TSPAN11: variants seen among roughly 807,000 people sequenced by gnomAD.
TSPAN11 encodes the protein tetraspanin 11.
In TSPAN11, 29 loss-of-function variants were observed where a neutral mutation model predicts 32.9. The ratio of observed to expected loss-of-function variants is 0.88; its 90% CI spans 0.66 to 1.20. The LOEUF (loss-of-function observed/expected upper bound fraction) is 1.20, where lower values mean the gene tolerates loss of function less well. Among genes scored for constraint, TSPAN11 ranks in the 50% most tolerant of loss-of-function variants. The pLI, the probability that TSPAN11 is intolerant of heterozygous loss-of-function variation, is 0.00. For missense variants in TSPAN11, 283 were observed against 329.1 expected, an observed-to-expected ratio of 0.86 and a Z score of 1.08; for synonymous variants, 140 against 141.3, an observed-to-expected ratio of 0.99 and a Z score of 0.07.
chr12:31,010,007 T>C, the TSPAN11 span, among the ~76,000 whole-genome samples: 1 of 152,252 alleles, frequency 6.6e-6, no homozygotes, highest in Non-Finnish European at 1.5e-5. Flanking sequence ...CTGAGGCCTC[T>C]GAGGCTAAGT....
chr12:30,974,664 G>C (rs1172571993), intron 3 of TSPAN11, among the ~76,000 whole-genome samples: 1 of 152,236 alleles, frequency 6.6e-6, no homozygotes, highest in Admixed American at 6.5e-5. Context: ...GGAGGAGCCA[G>C]AAGCAACCTC....
chr12:30,927,802 G>A (rs114365892), intron 1 of TSPAN11, among the ~76,000 whole-genome samples: 1 of 152,188 alleles, frequency 6.6e-6, no homozygotes, highest in Admixed American at 6.5e-5. Context: ...GGTTGTCACT[G>A]TGTCAGTAGC....
Position 30,979,680 on chromosome 12 carries a change from G to T in TSPAN11, c.456+10G>T. On this transcript the variant is annotated intron_variant, in intron 5 of 7. Transcript: ENST00000546076. ...CCGACTCCAGCAGGATGTAAGCCAT[G>T]CCCCATATGGCCTTGAAGGCCAAGC... The T allele has an allele frequency of 6.2e-7, 1 of 1,613,742 alleles. No individual in the cohort carries two copies. The highest frequency in any genetic ancestry group is 1.1e-5 in the South Asian group (1 of 91,074).
At chr12:30,941,801 C>T (rs1013065109) in intron 1 of TSPAN11, among the ~76,000 whole-genome samples, 1 of 152,282 alleles carries the variant, frequency 6.6e-6, no homozygotes, top group Non-Finnish European at 1.5e-5. Context: ...GGGGGCACCT[C>T]TTCCAACCCC....
chr12:30,982,952 C>A, intron 6 of TSPAN11, 112 bp from the exon 7 acceptor site: 1 of 1,261,106 alleles, frequency 7.9e-7, no homozygotes, highest in Non-Finnish European at 1.1e-6. Context: ...TTGGGTCCAG[C>A]CTGTGAGTCC....
Position 30,963,902 on chromosome 12 carries a change from C to T in TSPAN11, c.161C>T (p.Ser54Phe). Reference protein sequence around the residue: ...EKSGYLSVLASSTFAASAYIL... With the variant: ...EKSGYLSVLAFSTFAASAYIL... ...AGTGGCTACCTCAGCGTCCTGGCCTCCAGCACCTTTGCCGCCTCCGCCTAC... is the reference window on the plus strand; with the variant it reads ...AGTGGCTACCTCAGCGTCCTGGCCTTCAGCACCTTTGCCGCCTCCGCCTAC... Residue 54 changes from serine to phenylalanine, a missense_variant, in exon 3 of 8, where the codon TCC (serine) becomes TTC (phenylalanine). Physicochemically the swap from Ser to Phe is radical, Grantham distance 155. Coordinates refer to ENST00000546076, the MANE Select transcript of TSPAN11 (RefSeq NM_001370302.1). 1 of 1,613,744 alleles carries T rather than the reference C, an allele frequency of 6.2e-7. No individual in the cohort carries two copies. Among genetic ancestry groups the T allele is most frequent in the Non-Finnish European group, 8.5e-7 (1 of 1,180,022 alleles).
At chr12:30,974,722 G>A (rs1385641451) in intron 3 of TSPAN11, among the ~76,000 whole-genome samples, 2 of 152,252 alleles carry the variant, frequency 1.3e-5, no homozygotes, top group Non-Finnish European at 2.9e-5. Context: ...CTAGGGGACA[G>A]AGTGGTAACA....
At chr12:31,014,481 T>C in the TSPAN11 span, among the ~76,000 whole-genome samples, 7 of 152,214 alleles carry the variant, frequency 4.6e-5, no homozygotes, top group Non-Finnish European at 8.8e-5. Flanking sequence ...TTTTCAACAT[T>C]GAAACCCTAG....
intron 7 of TSPAN11, 94 bp from the exon 8 acceptor site, chr12:30,991,762 A>G (rs550057103): frequency 7.4e-6 from 10 of 1,345,818 alleles, no homozygotes; most frequent in Non-Finnish European, 1.1e-5. Flanking sequence ...GCCCCAGGGT[A>G]TTCGAGTGAG....
At chr12:30,947,667 G>T (rs1211130932) in intron 1 of TSPAN11, among the ~76,000 whole-genome samples, 1 of 152,188 alleles carries the variant, frequency 6.6e-6, no homozygotes, top group Admixed American at 6.5e-5. Context: ...CCATGATTCA[G>T]TTACCTCCCC....
At chr12:30,971,707 A>T (rs1938854250) in intron 3 of TSPAN11, among the ~76,000 whole-genome samples, 1 of 152,016 alleles carries the variant, frequency 6.6e-6, no homozygotes. Context: ...CCATGATTGT[A>T]CCACTGTACT....
rs567698154 is a variant in TSPAN11 at position 30,979,463 on chromosome 12, G to A, written c.352-103G>A. On this transcript the variant is annotated intron_variant, in intron 4 of 7. Coordinates refer to ENST00000546076, the MANE Select transcript of TSPAN11 (RefSeq NM_001370302.1). ...CTCCGCATCACACCATCCACAGTCC[G>A]CAGTGTTCTAGAATTAGCTGGGGGG... 24 of 1,016,408 alleles carry A rather than the reference G, an allele frequency of 2.4e-5. No individual in the cohort carries two copies. In the Middle Eastern group the frequency reaches 7.6e-4, roughly 32 times the overall value. The allele number at this position is 1,016,408 out of a possible 1,614,324, so 63.0% of individuals were successfully genotyped here. A position where few individuals can be genotyped will look rare whatever the true frequency, so the allele number is the denominator to read the frequency against.
intron 4 of TSPAN11, 68 bp from the exon 5 acceptor site, chr12:30,979,498 T>G (rs1016800211): frequency 8.3e-6 from 12 of 1,443,104 alleles, no homozygotes; most frequent in Admixed American, 6.8e-5. Flanking sequence ...GAGTTGGAAG[T>G]GGGCCCGGTG....
At chr12:30,942,280 C>T (rs1380389801) in intron 1 of TSPAN11, among the ~76,000 whole-genome samples, 1 of 152,240 alleles carries the variant, frequency 6.6e-6, no homozygotes, top group Non-Finnish European at 1.5e-5. Context: ...TTGGTCCTCA[C>T]AGCCACCATG....
At chr12:30,945,265 C>A (rs536566217) in intron 1 of TSPAN11, among the ~76,000 whole-genome samples, 2 of 152,060 alleles carry the variant, frequency 1.3e-5, no homozygotes, top group Non-Finnish European at 2.9e-5. Context: ...ATCTTGAAAG[C>A]GCTCCCCAGT....
At chr12:30,951,861 T>C (rs1938389112) in intron 1 of TSPAN11, among the ~76,000 whole-genome samples, 1 of 152,344 alleles carries the variant, frequency 6.6e-6, no homozygotes, top group East Asian at 1.9e-4. Context: ...GAAACTCAAC[T>C]ACAGATTAGC....
At chr12:30,954,586 TC>T (rs1390453178) in intron 2 of TSPAN11, 1 of 165,574 alleles carries the variant, frequency 6.0e-6, no homozygotes, top group Non-Finnish European at 1.3e-5. Context: ...GGTGAGGTCT[TC>T]CAGAGGAGTG....
At chr12:31,010,602 G>A in the TSPAN11 span, among the ~76,000 whole-genome samples, 2 of 152,020 alleles carry the variant, frequency 1.3e-5, no homozygotes, top group Non-Finnish European at 2.9e-5. Flanking sequence ...AACCAGCCTG[G>A]GCAACATAGT....
In TSPAN11 at chr12:30,953,478, G is replaced by A. The variant is rs531154572; in HGVS notation, c.-11-503G>A. On this transcript the variant is annotated intron_variant, in intron 1 of 7. Transcript: ENST00000546076. ...CTCATCTGAAAAGTCAAGCTGCAGC[G>A]GCCAGGTGGGGTGGACTGGGTGATC... Among the ~76,000 whole-genome samples, 8 of 152,170 alleles carry A rather than the reference G, an allele frequency of 5.3e-5. No individual in the cohort carries two copies. In the South Asian group the frequency reaches 6.2e-4, roughly 12 times the overall value.
Sources: allele counts gnomAD v4.1 joint callset (sites outside exome capture counted in the v4.1 genomes callset), GRCh38; gene constraint gnomAD v4.1.1; transcripts MANE v1.5; gene names NCBI Gene and HGNC (gene_info 2026-07-23, HGNC 2026-07-21).